EYS: variants seen among roughly 807,000 people sequenced by gnomAD.
The protein encoded by EYS is protein eyes shut homolog.
In EYS, 250 loss-of-function variants were observed where a neutral mutation model predicts 282.1. That is an observed-to-expected ratio of 0.89 (90% CI 0.80 to 0.98). EYS has a LOEUF of 0.98. Among genes scored for constraint, EYS ranks in the 50% least tolerant of loss-of-function variants. EYS has a pLI of 0.00. For synonymous variants in EYS, 1,355 were observed against 1,282.9 expected (o/e 1.06, Z -1.20); for missense variants, 4,016 against 3,709.0 (o/e 1.08, Z -2.15).
chr6:65,410,348 ATAGT>A (rs1766934743), intron 5 of EYS, among the ~76,000 whole-genome samples: 1 of 152,074 alleles, frequency 6.6e-6, no homozygotes, highest in Admixed American at 6.6e-5. Flanking sequence ...TCCAATCGGG[ATAGT>A]TAGTATATCT....
chr6:64,971,009 C>T (rs895658356), intron 14 of EYS, among the ~76,000 whole-genome samples: 1 of 151,992 alleles, frequency 6.6e-6, no homozygotes, highest in African/African-American at 2.4e-5. Context: ...CAGGATTGCT[C>T]TAAGGAAGGC....
intron 28 of EYS, among the ~76,000 whole-genome samples, chr6:64,417,253 A>T (rs1449465857): frequency 1.3e-5 from 2 of 152,210 alleles, no homozygotes; most frequent in Admixed American, 1.3e-4. Flanking sequence ...ACCTTATACT[A>T]TATGAAAAAT....
At chr6:64,552,629 A>C (rs1389340016) in intron 26 of EYS, among the ~76,000 whole-genome samples, 1 of 152,098 alleles carries the variant, frequency 6.6e-6, no homozygotes, top group Non-Finnish European at 1.5e-5. Flanking sequence ...AAATCTTTGA[A>C]TTTGGCCTGG....
chr6:64,594,899 C>T (rs1369897707), intron 24 of EYS, among the ~76,000 whole-genome samples: 2 of 151,826 alleles, frequency 1.3e-5, no homozygotes, highest in Non-Finnish European at 2.9e-5. Flanking sequence ...CAATTCTTCT[C>T]AAGCTATTAC....
At chr6:65,389,439 A>G (rs562727713) in intron 7 of EYS, among the ~76,000 whole-genome samples, 190 of 152,198 alleles carry the variant, frequency 1.2e-3, no homozygotes, top group African/African-American at 4.2e-3. Context: ...CATCATTCAA[A>G]TCTCCGCCAA....
rs919359695 is a variant in EYS at position 64,948,912 on chromosome 6, C to T, written c.2260-2998G>A. On this transcript the variant is annotated intron_variant, in intron 14 of 42. Transcript: ENST00000503581. ...AGGTCTACAATATTGAACTCTGCAG[C>T]CAGTGAGAAAAAAATAAAGACAAAG... Among the ~76,000 whole-genome samples the T allele has an allele frequency of 1.1e-4, 16 of 151,448 alleles. 1 individual carries two copies. Among genetic ancestry groups the T allele is most frequent in the Non-Finnish European group, 1.9e-4 (13 of 67,788 alleles).
At chr6:65,102,555 T>A (rs1774923966) in intron 12 of EYS, among the ~76,000 whole-genome samples, 2 of 151,392 alleles carry the variant, frequency 1.3e-5, no homozygotes, top group South Asian at 4.2e-4. Context: ...TTTAATTAAA[T>A]ATACTTCAAT....
chr6:64,274,759 C>A (rs1006973404), intron 30 of EYS, among the ~76,000 whole-genome samples: 10 of 151,890 alleles, frequency 6.6e-5, no homozygotes, highest in African/African-American at 2.2e-4. Flanking sequence ...CTACAAGTAC[C>A]GAACTTAGAC....
chr6:65,358,110 ATTAG>A (rs1301391069), intron 8 of EYS, among the ~76,000 whole-genome samples: 1 of 151,958 alleles, frequency 6.6e-6, no homozygotes, highest in East Asian at 1.9e-4. Flanking sequence ...GAGATTAAAA[ATTAG>A]TTAGTTTACA....
intron 13 of EYS, among the ~76,000 whole-genome samples, chr6:65,005,623 A>G (rs1771621649): frequency 6.8e-6 from 1 of 147,810 alleles, no homozygotes; most frequent in African/African-American, 2.4e-5. Flanking sequence ...AACGATTAGC[A>G]TGGCCGCTGG....
intron 14 of EYS, among the ~76,000 whole-genome samples, chr6:64,959,746 G>A (rs1884463): frequency 0.95 from 144,183 of 152,264 alleles, 68,383 homozygotes; most frequent in African/African-American, 0.99. Flanking sequence ...AACAAGAACT[G>A]TCTCTCTATT....
intron 26 of EYS, among the ~76,000 whole-genome samples, chr6:64,573,547 T>C (rs1396300647): frequency 6.6e-6 from 1 of 152,094 alleles, no homozygotes; most frequent in African/African-American, 2.4e-5. Context: ...AAGGCTAAAA[T>C]TCAGAGTCTA....
intron 42 of EYS, among the ~76,000 whole-genome samples, chr6:63,722,639 T>C (rs1195053412): frequency 6.6e-6 from 1 of 152,134 alleles, no homozygotes; most frequent in African/African-American, 2.4e-5. Context: ...CACGCAGAAG[T>C]CTCCACGAAA....
chr6:64,481,821 T>C (rs1487149026), intron 26 of EYS, among the ~76,000 whole-genome samples: 1 of 151,668 alleles, frequency 6.6e-6, no homozygotes, highest in Non-Finnish European at 1.5e-5. Flanking sequence ...TATTTTAAAA[T>C]ACCTACTTTG....
At position 65,432,452 on chromosome 6, in the gene EYS, GA is replaced by G. The variant is rs1447592181; in HGVS notation, c.863-27086del. Among the ~76,000 whole-genome samples the G allele has an allele frequency of 1.3e-5, 2 of 151,926 alleles. 1 individual carries two copies. The highest frequency in any genetic ancestry group is 4.2e-4 in the South Asian group (2 of 4,812). ...TAATTTAGATGCAGACGAGTATTAC[GA>G]AAAAAATGAAACAAAAGAGGGTGGG... On this transcript the variant is annotated intron_variant, in intron 5 of 42. Transcript: ENST00000503581.
intron 12 of EYS, among the ~76,000 whole-genome samples, chr6:65,271,263 T>G (rs1431585314): frequency 6.6e-6 from 1 of 150,984 alleles, no homozygotes; most frequent in African/African-American, 2.4e-5. Context: ...AATTTGAAGT[T>G]CTGAGACCCA....
chr6:65,398,442 C>T (rs1258073736), intron 7 of EYS, among the ~76,000 whole-genome samples: 1 of 151,792 alleles, frequency 6.6e-6, no homozygotes, highest in African/African-American at 2.4e-5. Context: ...TAAAACTAGA[C>T]CCCTATCTTT....
intron 22 of EYS, among the ~76,000 whole-genome samples, chr6:64,702,818 A>T (rs1770837340): frequency 6.6e-6 from 1 of 152,214 alleles, no homozygotes; most frequent in Non-Finnish European, 1.5e-5. Context: ...AAGCATTTCA[A>T]TACAGAAATA....
At position 65,615,331 on chromosome 6, in the gene EYS, G is replaced by T. The variant is rs915403728; in HGVS notation, c.-333+24447C>A. Among the ~76,000 whole-genome samples the T allele has an allele frequency of 2.4e-4, 36 of 150,904 alleles. 1 individual carries two copies. The highest frequency in any genetic ancestry group is 6.1e-4 in the African/African-American group (25 of 41,174). On this transcript the variant is annotated intron_variant, in intron 2 of 42. Transcript: ENST00000503581. ...GGCCAATTTAAATGAATACTCTGAG[G>T]AAAATAATTCATCCCAGTTATCCGA...
Sources: allele counts gnomAD v4.1 joint callset (sites outside exome capture counted in the v4.1 genomes callset), GRCh38; gene constraint gnomAD v4.1.1; transcripts MANE v1.5; gene names NCBI Gene and HGNC (gene_info 2026-07-23, HGNC 2026-07-21).